Variants in ADGRG5 observed in about 807,000 individuals in gnomAD.
The protein encoded by ADGRG5 is G protein-coupled receptor 114.
In ADGRG5, 37 loss-of-function variants were observed where a neutral mutation model predicts 53.2. That is an observed-to-expected ratio of 0.70 (90% CI 0.53 to 0.91). The LOEUF is 0.91. Ranked by LOEUF, ADGRG5 falls within the 40% of genes least tolerant of loss-of-function variation. The probability of loss-of-function intolerance (pLI) is 0.00; values close to 1 mark genes in which losing one functional copy is unlikely to be tolerated. For missense variants in ADGRG5, 614 were observed against 675.8 expected (o/e 0.91, Z 1.01); for synonymous variants, 277 against 290.4 (o/e 0.95, Z 0.47).
chr16:57,566,637 A>G lies in ADGRG5; in HGVS notation c.585A>G (p.Gly195=). The G allele has an allele frequency of 1.3e-6, 2 of 1,581,264 alleles. No homozygotes were observed. Among genetic ancestry groups the G allele is most frequent in the Non-Finnish European group, 1.7e-6 (2 of 1,164,820 alleles). The change falls in exon 7 of 12, where the codon GGA becomes GGG. Residue 195 remains glycine (G), a synonymous_variant. Coordinates refer to ENST00000349457, the MANE Select transcript of ADGRG5 (RefSeq NM_001304376.3). ...TGACCTGTGTCTTCTGGAAGGAGGG[A>G]GCCAGGAAACAGCCCTGGGGGGGCT... ...YTLTCVFWKE[G]ARKQPWGGWS...
intron 7 of ADGRG5, among the ~76,000 whole-genome samples, chr16:57,567,106 T>C (rs1596792099): frequency 6.6e-6 from 1 of 152,222 alleles, no homozygotes; most frequent in East Asian, 1.9e-4. Flanking sequence ...TGGAATAAAA[T>C]CTTCTTTTAC....
chr16:57,560,986 C>T (rs1219039269), intron 1 of ADGRG5, among the ~76,000 whole-genome samples: 1 of 152,082 alleles, frequency 6.6e-6, no homozygotes, highest in Non-Finnish European at 1.5e-5. Flanking sequence ...GCCATGTTGC[C>T]CAGGCTGGTC....
the ADGRG5 span, among the ~76,000 whole-genome samples, chr16:57,535,654 G>A: frequency 6.7e-6 from 1 of 148,732 alleles, no homozygotes; most frequent in Admixed American, 6.7e-5. Flanking sequence ...ACCCCTCTCG[G>A]CAACACCGTG....
chr16:57,554,672 G>T (rs542377560), intron 1 of ADGRG5, among the ~76,000 whole-genome samples: 1 of 152,034 alleles, frequency 6.6e-6, no homozygotes, highest in African/African-American at 2.4e-5. Flanking sequence ...CACCACGCTC[G>T]GCCATAATTT....
At chr16:57,538,694 C>A (rs1278002704), upstream of ADGRG5, among the ~76,000 whole-genome samples, 2 of 152,214 alleles carry the variant, frequency 1.3e-5, no homozygotes, top group East Asian at 1.9e-4. Context: ...CTCTGGCAGC[C>A]TGTCCCACTC....
chr16:57,536,804 A>G, the ADGRG5 span, among the ~76,000 whole-genome samples: 18 of 151,640 alleles, frequency 1.2e-4, no homozygotes, highest in Non-Finnish European at 2.4e-4. Flanking sequence ...CGGAGGCCCC[A>G]CCCCCGTGAG....
upstream of ADGRG5, among the ~76,000 whole-genome samples, chr16:57,539,224 G>A (rs370078113): frequency 1.4e-4 from 22 of 152,312 alleles, no homozygotes; most frequent in African/African-American, 4.3e-4. Flanking sequence ...AGCCAGTCAC[G>A]CAAGGACAAA....
the ADGRG5 span, among the ~76,000 whole-genome samples, chr16:57,531,321 TTGAAGGCACCC>T: frequency 1.3e-5 from 2 of 151,734 alleles, no homozygotes; most frequent in Non-Finnish European, 2.9e-5. Flanking sequence ...CCTTCCAGCT[TTGAAGGCACCC>T]TGAAATCTGC....
At chr16:57,533,400 C>T in the ADGRG5 span, among the ~76,000 whole-genome samples, 209 of 152,124 alleles carry the variant, frequency 1.4e-3, 1 homozygote, top group African/African-American at 3.4e-3. Context: ...TGCCTTGCAA[C>T]GCCTCCCCCT....
chr16:57,560,448 C>T (rs866092207), intron 1 of ADGRG5, among the ~76,000 whole-genome samples: 1 of 152,308 alleles, frequency 6.6e-6, no homozygotes, highest in South Asian at 2.1e-4. Flanking sequence ...AGGTCTTGGC[C>T]ATAACATTGA....
rs1456017558 is a variant in ADGRG5 at position 57,576,677 on chromosome 16, C to T, written c.*1139C>T. ...AGGGGCCGTAACTGCAGGACTGCGCCTACTGAGTGACCCATTTCCTCCAGG... is the reference window on the plus strand; with the variant it reads ...AGGGGCCGTAACTGCAGGACTGCGCTTACTGAGTGACCCATTTCCTCCAGG... On this transcript the variant is annotated 3_prime_UTR_variant, in exon 12 of 12. Coordinates refer to ENST00000349457, the MANE Select transcript of ADGRG5 (RefSeq NM_001304376.3). 2 of 152,240 alleles carry T rather than the reference C, an allele frequency of 1.3e-5. No individual in the cohort carries two copies. Among genetic ancestry groups the T allele is most frequent in the Non-Finnish European group, 2.9e-5 (2 of 68,058 alleles). 9.4% of individuals were successfully genotyped at this position (152,240 alleles called of 1,614,324 possible).
At chr16:57,552,381 C>T (rs2032775886) in intron 1 of ADGRG5, among the ~76,000 whole-genome samples, 1 of 152,192 alleles carries the variant, frequency 6.6e-6, no homozygotes, top group Non-Finnish European at 1.5e-5. Context: ...ATGTGGCCAC[C>T]CTCATGCATG....
intron 1 of ADGRG5, among the ~76,000 whole-genome samples, chr16:57,560,011 C>T (rs376654042): frequency 4.6e-5 from 7 of 152,160 alleles, no homozygotes; most frequent in African/African-American, 1.2e-4. Context: ...TTATAAACTT[C>T]GGTAAGACAT....
At chr16:57,575,306 C>T (rs1241316471) in intron 11 of ADGRG5, 132 bp from the exon 12 acceptor site, 5 of 960,116 alleles carry the variant, frequency 5.2e-6, no homozygotes, top group Non-Finnish European at 7.8e-6. Flanking sequence ...CTCTGCCCCT[C>T]TGGCCTCCTA....
At chr16:57,545,984 CCTGA>C (rs1387517721) in intron 1 of ADGRG5, among the ~76,000 whole-genome samples, 1 of 152,104 alleles carries the variant, frequency 6.6e-6, no homozygotes, top group East Asian at 1.9e-4. Flanking sequence ...CTCCACTGCG[CCTGA>C]CTAATTTTTG....
chr16:57,564,029 A>G (rs1193658262), intron 5 of ADGRG5, 50 bp downstream of exon 5: 2 of 1,583,804 alleles, frequency 1.3e-6, no homozygotes, highest in East Asian at 2.3e-5. Flanking sequence ...CCTTCTTGGG[A>G]TCCACTGCAG....
intron 1 of ADGRG5, among the ~76,000 whole-genome samples, chr16:57,557,713 C>G (rs1322025988): frequency 1.3e-5 from 2 of 152,188 alleles, no homozygotes; most frequent in African/African-American, 4.8e-5. Flanking sequence ...ACACTATCAT[C>G]AAGTTCAAGG....
upstream of ADGRG5, among the ~76,000 whole-genome samples, chr16:57,539,765 C>G (rs1395796722): frequency 1.3e-5 from 2 of 151,910 alleles, no homozygotes; most frequent in Non-Finnish European, 2.9e-5. Flanking sequence ...TGAATCTACA[C>G]TTAAAAATGC....
Position 57,563,048 on chromosome 16 carries a change from C to A in ADGRG5, c.141-43C>A, listed in dbSNP as rs775891636. 6 of 1,611,458 alleles carry A rather than the reference C, an allele frequency of 3.7e-6. No individual in the cohort carries two copies. In the South Asian group the frequency reaches 5.5e-5, roughly 15 times the overall value. On this transcript the variant is annotated intron_variant, in intron 3 of 11. Transcript: ENST00000349457. ...CTACAGCCCCCTCTCACCCTTACCC[C>A]ACTCCGGGCTCTGGCCTCCCTGGCC...
Sources: gnomAD v4.1 joint callset for allele counts (sites outside exome capture counted in the v4.1 genomes callset) on GRCh38, gnomAD v4.1.1 for gene constraint, MANE v1.5 for transcripts, NCBI Gene and HGNC (gene_info 2026-07-23, HGNC 2026-07-21) for gene names.